The following FAF1 variants were observed in gnomAD, a reference collection of about 807,000 sequenced individuals.
FAF1 encodes the protein Fas associated factor 1.
FAF1 carries 25 observed loss-of-function variants against 92.5 expected under a neutral mutation model. The observed-to-expected ratio is 0.27, with a 90% CI of 0.20 to 0.38. The LOEUF is 0.38. Ranked by LOEUF, FAF1 falls within the 10% of genes least tolerant of loss-of-function variation. The pLI, the probability that FAF1 is intolerant of heterozygous loss-of-function variation, is 1.00. For missense variants in FAF1, 636 were observed against 793.3 expected (o/e 0.80, Z 2.38); for synonymous variants, 234 against 273.2 (o/e 0.86, Z 1.42).
chr1:50,737,190 A>G (rs1224841786), intron 6 of FAF1, among the ~76,000 whole-genome samples: 1 of 152,146 alleles, frequency 6.6e-6, no homozygotes, highest in African/African-American at 2.4e-5. Flanking sequence ...AATGCTAGAT[A>G]AAGTACTCAT....
At chr1:50,578,255 T>G (rs1418591025) in intron 12 of FAF1, among the ~76,000 whole-genome samples, 1 of 152,178 alleles carries the variant, frequency 6.6e-6, no homozygotes, top group Non-Finnish European at 1.5e-5. Flanking sequence ...GTAAAATTAA[T>G]GTACCTCCCC....
chr1:50,479,137 C>T (rs1239261130), intron 17 of FAF1, among the ~76,000 whole-genome samples: 2 of 152,156 alleles, frequency 1.3e-5, no homozygotes. Context: ...GGGAATTAGG[C>T]AAATGACAGT....
chr1:50,586,899 G>A (rs1381086847), intron 9 of FAF1, among the ~76,000 whole-genome samples: 1 of 152,188 alleles, frequency 6.6e-6, no homozygotes, highest in Admixed American at 6.5e-5. Flanking sequence ...TATACCACAT[G>A]TTCTTTTACA....
intron 8 of FAF1, among the ~76,000 whole-genome samples, chr1:50,599,803 G>A (rs1354561011): frequency 2.4e-4 from 37 of 152,150 alleles, no homozygotes; most frequent in Admixed American, 2.4e-3. Context: ...CAGACAAACT[G>A]TGGTTATTTG....
At chr1:50,842,599 T>C (rs751481556) in intron 2 of FAF1, among the ~76,000 whole-genome samples, 1 of 152,086 alleles carries the variant, frequency 6.6e-6, no homozygotes, top group Non-Finnish European at 1.5e-5. Flanking sequence ...CTCACTATAT[T>C]CTAGCCACAT....
At chr1:50,660,133 A>C (rs1017673796) in intron 7 of FAF1, among the ~76,000 whole-genome samples, 2 of 152,170 alleles carry the variant, frequency 1.3e-5, no homozygotes, top group Non-Finnish European at 2.9e-5. Flanking sequence ...ATCTCCCACA[A>C]ACTTTTCTTT....
intron 4 of FAF1, among the ~76,000 whole-genome samples, chr1:50,756,952 C>A (rs1055383860): frequency 6.6e-6 from 1 of 152,214 alleles, no homozygotes; most frequent in African/African-American, 2.4e-5. Context: ...CAAACCATAT[C>A]ATCATGTTTT....
chr1:50,934,474 G>C (rs1645071359), intron 1 of FAF1, among the ~76,000 whole-genome samples: 1 of 152,086 alleles, frequency 6.6e-6, no homozygotes. Flanking sequence ...TATAATTCTA[G>C]CACTTTGGGA....
chr1:50,657,389 A>G (rs1287588703), intron 7 of FAF1, among the ~76,000 whole-genome samples: 1 of 151,204 alleles, frequency 6.6e-6, no homozygotes, highest in Non-Finnish European at 1.5e-5. Flanking sequence ...AATGCTCCCC[A>G]TCATATGTTC....
At chr1:50,759,677 T>C (rs904973707) in intron 4 of FAF1, among the ~76,000 whole-genome samples, 3 of 152,214 alleles carry the variant, frequency 2.0e-5, no homozygotes, top group African/African-American at 7.2e-5. Context: ...AGTAATGGGA[T>C]GGCTGGGTCA....
chr1:50,721,148 G>A (rs774090924), intron 6 of FAF1, among the ~76,000 whole-genome samples: 7 of 151,822 alleles, frequency 4.6e-5, no homozygotes, highest in Non-Finnish European at 8.8e-5. Flanking sequence ...ACAAAAAGTT[G>A]TTTCGTAAAG....
At chr1:50,790,525 G>A (rs759305593) in intron 3 of FAF1, among the ~76,000 whole-genome samples, 14 of 151,950 alleles carry the variant, frequency 9.2e-5, no homozygotes, top group Non-Finnish European at 1.5e-4. Flanking sequence ...CCAAACTAAC[G>A]AGTAGAGGAA....
chr1:50,890,215 T>A (rs908009273), intron 1 of FAF1, among the ~76,000 whole-genome samples: 13 of 152,222 alleles, frequency 8.5e-5, no homozygotes, highest in Non-Finnish European at 1.6e-4. Context: ...ATTTGCTTGG[T>A]AGATCTTCCT....
chr1:50,849,704 G>C (rs1379688197), intron 2 of FAF1, among the ~76,000 whole-genome samples: 1 of 151,888 alleles, frequency 6.6e-6, no homozygotes, highest in Non-Finnish European at 1.5e-5. Context: ...CGTCAGTTTT[G>C]GCATAAGTAA....
intron 1 of FAF1, among the ~76,000 whole-genome samples, chr1:50,951,253 A>C (rs914133929): frequency 5.3e-5 from 8 of 152,196 alleles, no homozygotes; most frequent in Non-Finnish European, 1.5e-5. Flanking sequence ...AACAAACAAA[A>C]TTTGTTTCAA....
chr1:50,950,368 G>A (rs1029227339), intron 1 of FAF1, among the ~76,000 whole-genome samples: 1 of 152,134 alleles, frequency 6.6e-6, no homozygotes, highest in African/African-American at 2.4e-5. Context: ...ACCTAGAAAA[G>A]TACTGATTTC....
At chr1:50,850,192 T>G (rs1198919857) in intron 2 of FAF1, among the ~76,000 whole-genome samples, 1 of 151,756 alleles carries the variant, frequency 6.6e-6, no homozygotes, top group Admixed American at 6.6e-5. Flanking sequence ...AGATCTATAA[T>G]AGCAAAAAAC....
At position 50,535,881 on chromosome 1, in the gene FAF1, A is replaced by G. The variant is rs72898987; in HGVS notation, c.1406-424T>C. 6.5e-3 allele frequency among the ~76,000 whole-genome samples: 988 copies of G among 152,294 alleles called. 19 individuals carry two copies. The highest frequency in any genetic ancestry group is 0.023 in the African/African-American group (943 of 41,566). On this transcript the variant is annotated intron_variant, in intron 14 of 18. Coordinates refer to ENST00000396153, the MANE Select transcript of FAF1 (RefSeq NM_007051.3). Reference sequence around the variant, plus strand: ...AATCTGTACAACAAATCTATGAAGGATTCATTATGATTTGGTTTTAAAGAG... The same window carrying G: ...AATCTGTACAACAAATCTATGAAGGGTTCATTATGATTTGGTTTTAAAGAG...
chr1:50,500,676 C>T (rs1408619767), intron 15 of FAF1, among the ~76,000 whole-genome samples: 1 of 152,086 alleles, frequency 6.6e-6, no homozygotes, highest in Non-Finnish European at 1.5e-5. Flanking sequence ...AAATTTTAAA[C>T]TTATTTTCTC....
Sources: allele counts gnomAD v4.1 joint callset (sites outside exome capture counted in the v4.1 genomes callset), GRCh38; gene constraint gnomAD v4.1.1; transcripts MANE v1.5; gene names NCBI Gene and HGNC (gene_info 2026-07-23, HGNC 2026-07-21).